Variants in ASXL3 observed in about 807,000 individuals in gnomAD.
The protein encoded by ASXL3 is putative Polycomb group protein ASXL3.
A neutral mutation model predicts 170.6 loss-of-function variants in ASXL3; 34 were observed. The ratio of observed to expected loss-of-function variants is 0.20; its 90% CI spans 0.15 to 0.27. The LOEUF is 0.27. ASXL3 is among the 10% of genes least tolerant of loss of function. The pLI is 1.00. For missense variants in ASXL3, 2,592 were observed against 2,695.3 expected (o/e 0.96, Z 0.85); for synonymous variants, 1,002 against 989.1 (o/e 1.01, Z -0.24).
At chr18:33,709,312 A>T (rs1040809540) in intron 8 of ASXL3, among the ~76,000 whole-genome samples, 1 of 151,918 alleles carries the variant, frequency 6.6e-6, no homozygotes, top group Non-Finnish European at 1.5e-5. Flanking sequence ...AAAAAAAAAA[A>T]AACAACAAAA....
At chr18:33,701,981 A>G (rs926339087) in intron 8 of ASXL3, among the ~76,000 whole-genome samples, 1 of 151,868 alleles carries the variant, frequency 6.6e-6, no homozygotes, top group Non-Finnish European at 1.5e-5. Context: ...CAAATTTACT[A>G]TTGTGCCCCT....
intron 8 of ASXL3, among the ~76,000 whole-genome samples, chr18:33,722,472 A>T (rs1051847245): frequency 6.6e-6 from 1 of 152,146 alleles, no homozygotes; most frequent in Non-Finnish European, 1.5e-5. Context: ...TAGAAGATCA[A>T]ATCAGCCACA....
At chr18:33,618,778 T>A (rs1052758028) in intron 2 of ASXL3, among the ~76,000 whole-genome samples, 17 of 152,150 alleles carry the variant, frequency 1.1e-4, no homozygotes, top group African/African-American at 4.1e-4. Context: ...CTTGATGTTA[T>A]TTTTTGATTT....
rs540865801 is a variant in ASXL3 at position 33,671,834 on chromosome 18, A to T, written c.683A>T (p.Gln228Leu). 6.2e-7 allele frequency: 1 copy of T among 1,611,036 alleles called. No homozygotes were observed. Among genetic ancestry groups the T allele is most frequent in the South Asian group, 1.1e-5 (1 of 90,124 alleles). ...QKSPTGKQTS[Q>L]HLKRLKKSGL... ...TCTCCCACTGGAAAACAAACAAGTCAGCACTTAAAACGATTAAAAAAGTCT... is the reference window on the plus strand; with the variant it reads ...TCTCCCACTGGAAAACAAACAAGTCTGCACTTAAAACGATTAAAAAAGTCT... Residue 228 changes from glutamine to leucine, a missense_variant, in exon 7 of 12, where the codon CAG becomes CTG. By Grantham distance (113) the Gln-to-Leu change is moderately radical. Transcript: ENST00000269197.
At chr18:33,725,538 A>T (rs1197698007) in intron 8 of ASXL3, among the ~76,000 whole-genome samples, 2 of 152,092 alleles carry the variant, frequency 1.3e-5, no homozygotes, top group Non-Finnish European at 2.9e-5. Context: ...CTTTTGGTAA[A>T]TATTCTTCCA....
rs1266926968 is a variant in ASXL3, at chr18:33,750,875, T to C, written c.*4280T>C. ...GGGGGAGCAGTTGATTCAGTAAGAC[T>C]GCGACAATTTAATACTGTTACGCTT... On this transcript the variant is annotated 3_prime_UTR_variant, in exon 12 of 12. Transcript: ENST00000269197. 1 of 152,230 alleles carries C rather than the reference T, an allele frequency of 6.6e-6. No homozygotes were observed. Among genetic ancestry groups the C allele is most frequent in the Non-Finnish European group, 1.5e-5 (1 of 68,034 alleles). 9.4% of individuals were successfully genotyped at this position (152,230 alleles called of 1,614,324 possible). A position where few individuals can be genotyped will look rare whatever the true frequency, so the allele number is the denominator to read the frequency against.
intron 8 of ASXL3, among the ~76,000 whole-genome samples, chr18:33,728,352 T>G (rs1434661465): frequency 6.6e-6 from 1 of 152,208 alleles, no homozygotes; most frequent in Admixed American, 6.6e-5. Context: ...AGAACTTGCC[T>G]TCCACCTATT....
chr18:33,614,142 A>G (rs1476456443), intron 2 of ASXL3: 1 of 152,148 alleles, frequency 6.6e-6, no homozygotes, highest in Non-Finnish European at 1.5e-5. Context: ...ATGCAATGCT[A>G]TTTGATAACA....
chr18:33,617,214 G>C (rs561322399), intron 2 of ASXL3, among the ~76,000 whole-genome samples: 6 of 152,134 alleles, frequency 3.9e-5, no homozygotes, highest in African/African-American at 1.4e-4. Context: ...AATATTGACT[G>C]GGTGCAGTGG....
intron 8 of ASXL3, among the ~76,000 whole-genome samples, chr18:33,710,046 A>T (rs2067029563): frequency 6.6e-6 from 1 of 152,182 alleles, no homozygotes; most frequent in Admixed American, 6.5e-5. Context: ...ACCTGAGGTT[A>T]GGAGTTTGAG....
chr18:33,669,210 T>C lies in ASXL3; in HGVS notation c.478-1463T>C, dbSNP rs974145286. Among the ~76,000 whole-genome samples, 3 of 152,200 alleles carry C rather than the reference T, an allele frequency of 2.0e-5. No homozygotes were observed. In the East Asian group the frequency reaches 5.8e-4, roughly 29 times the overall value. On this transcript the variant is annotated intron_variant, in intron 5 of 11. Coordinates refer to ENST00000269197, the MANE Select transcript of ASXL3 (RefSeq NM_030632.3). The stretch of plus-strand genomic sequence containing the variant: ...AAATTTATGTGCAATTATGTATACA[T>C]CTTGAAGAAAGAGTAAATGTCTTAA...
intron 1 of ASXL3, among the ~76,000 whole-genome samples, chr18:33,594,245 G>T (rs1340982208): frequency 6.6e-6 from 1 of 152,180 alleles, no homozygotes; most frequent in Non-Finnish European, 1.5e-5. Flanking sequence ...AAGACTTGTT[G>T]TGAGTCCTAA....
intron 7 of ASXL3, among the ~76,000 whole-genome samples, chr18:33,681,827 A>G (rs576908256): frequency 3.3e-5 from 5 of 152,040 alleles, no homozygotes; most frequent in African/African-American, 1.2e-4. Context: ...CATTCTTTGT[A>G]TTTGTTCCCT....
intron 8 of ASXL3, among the ~76,000 whole-genome samples, chr18:33,693,701 A>G (rs2066725453): frequency 6.6e-6 from 1 of 152,170 alleles, no homozygotes. Flanking sequence ...TAGTTGGTCT[A>G]TTTATGTGTT....
At chr18:33,592,485 G>A (rs961237996) in intron 1 of ASXL3, among the ~76,000 whole-genome samples, 1 of 152,120 alleles carries the variant, frequency 6.6e-6, no homozygotes, top group Non-Finnish European at 1.5e-5. Context: ...TGCAGCTTTT[G>A]AGGGTCACTA....
chr18:33,630,156 T>C (rs985239942), intron 2 of ASXL3, among the ~76,000 whole-genome samples: 1 of 151,998 alleles, frequency 6.6e-6, no homozygotes, highest in Non-Finnish European at 1.5e-5. Flanking sequence ...TGTCACATAC[T>C]AAGTCTGGGG....
chr18:33,615,441 A>G (rs1315976672), intron 2 of ASXL3, among the ~76,000 whole-genome samples: 1 of 152,174 alleles, frequency 6.6e-6, no homozygotes, highest in Non-Finnish European at 1.5e-5. Context: ...AACTGATTAC[A>G]GAACACCATA....
Position 33,746,470 on chromosome 18 carries a change from G to A in ASXL3, c.6622G>A (p.Glu2208Lys). The change falls in exon 12 of 12, where the codon GAA (glutamate) becomes AAA (lysine). Residue 2208 changes from glutamate to lysine, a missense_variant. Transcript: ENST00000269197. ...QNFADSSNAD[E>K]LELKCSCRLK... ...CTTTGCCGACAGCAGCAATGCAGAT[G>A]AATTGGAACTGAAATGCTCTTGCCG... The A allele has an allele frequency of 6.2e-7, 1 of 1,614,058 alleles. No homozygotes were observed.
chr18:33,608,334 G>T (rs2145125305), intron 2 of ASXL3, among the ~76,000 whole-genome samples: 1 of 151,922 alleles, frequency 6.6e-6, no homozygotes, highest in Non-Finnish European at 1.5e-5. Flanking sequence ...CTGTCTCTAT[G>T]GACTTGCTAT....
Sources: allele counts gnomAD v4.1 joint callset (sites outside exome capture counted in the v4.1 genomes callset), GRCh38; gene constraint gnomAD v4.1.1; transcripts MANE v1.5; gene names NCBI Gene and HGNC (gene_info 2026-07-23, HGNC 2026-07-21).